LRRK1: variants seen among roughly 807,000 people sequenced by gnomAD.
The protein encoded by LRRK1 is leucine rich repeat kinase 1.
LRRK1 carries 113 observed loss-of-function variants against 209.1 expected under a neutral mutation model. That is an observed-to-expected ratio of 0.54 (90% CI 0.46 to 0.63). LRRK1 has a LOEUF of 0.63. Among genes scored for constraint, LRRK1 ranks in the 30% least tolerant of loss-of-function variants. The pLI, the probability that LRRK1 is intolerant of heterozygous loss-of-function variation, is 0.00. For missense variants in LRRK1, 2,284 were observed against 2,632.2 expected (o/e 0.87, Z 2.89); for synonymous variants, 1,144 against 1,099.7 (o/e 1.04, Z -0.80).
At position 101,046,809 on chromosome 15, in the gene LRRK1, G is replaced by A. The variant is rs77246989; in HGVS notation, c.3135+657G>A. ...TAACACGGGAGACCCCCCGCCCAAG[G>A]AGTTAGCTTCTGTGGGTTTACCTGG... On this transcript the variant is annotated intron_variant, in intron 21 of 33. Transcript: ENST00000388948. Among the ~76,000 whole-genome samples the A allele has an allele frequency of 4.7e-3, 718 of 152,332 alleles. 5 individuals are homozygous for A. The highest frequency in any genetic ancestry group is 0.017 in the African/African-American group (689 of 41,566).
At chr15:100,983,224 T>G (rs1320299368) in intron 3 of LRRK1, among the ~76,000 whole-genome samples, 2 of 152,222 alleles carry the variant, frequency 1.3e-5, no homozygotes, top group Non-Finnish European at 2.9e-5. Context: ...AATAAAATGT[T>G]AATATTATTT....
Position 101,027,853 on chromosome 15 carries a change from C to A in LRRK1, c.2686+56C>A. ...CCCGTGAGAAATGGAACTGTCTGTA[C>A]TTGCTAACTTCAGCTTGGCCTCAGT... On this transcript the variant is annotated intron_variant, in intron 19 of 33. Coordinates refer to ENST00000388948, the MANE Select transcript of LRRK1 (RefSeq NM_024652.6). This position sits in a 1 kb window ranked among gnomAD's most constrained non-coding sequence, Gnocchi z 5.1. The A allele has an allele frequency of 1.4e-6, 2 of 1,466,736 alleles. No individual in the cohort carries two copies. Among genetic ancestry groups the A allele is most frequent in the Non-Finnish European group, 1.8e-6 (2 of 1,089,852 alleles). The allele number at this position is 1,466,736 out of a possible 1,614,324, so 90.9% of individuals were successfully genotyped here.
chr15:101,001,229 T>C (rs2032668912), intron 6 of LRRK1, among the ~76,000 whole-genome samples: 1 of 152,132 alleles, frequency 6.6e-6, no homozygotes, highest in Non-Finnish European at 1.5e-5. Context: ...CCCCGTCTGA[T>C]GGTCTGAGTT....
intron 12 of LRRK1, among the ~76,000 whole-genome samples, chr15:101,016,847 A>C (rs1274823713): frequency 2.6e-5 from 4 of 152,236 alleles, no homozygotes; most frequent in Non-Finnish European, 5.9e-5. Flanking sequence ...AGGTGAGGCC[A>C]AGGTTGCACA....
At position 101,065,880 on chromosome 15, in the gene LRRK1, G is replaced by T. The variant is rs2036502391; in HGVS notation, c.5443G>T (p.Asp1815Tyr). The change falls in exon 32 of 34, where the codon GAC becomes TAC. Residue 1815 changes from aspartate to tyrosine, a missense_variant. Asp to Tyr is a radical substitution (Grantham distance 160). Transcript: ENST00000388948. ...PKVPEGDSIA[D>Y]VSIMYSEELG... The stretch of plus-strand genomic sequence containing the variant: ...GGTGCCTGAGGGGGACTCCATCGCG[G>T]ACGTGAGCATCATGTACAGTGAGGA... The T allele has an allele frequency of 2.5e-6, 4 of 1,614,168 alleles. No individual in the cohort carries two copies. Among genetic ancestry groups the T allele is most frequent in the Non-Finnish European group, 3.4e-6 (4 of 1,180,034 alleles).
intron 3 of LRRK1, among the ~76,000 whole-genome samples, chr15:100,983,025 A>C (rs1246544065): frequency 2.6e-5 from 4 of 152,146 alleles, no homozygotes; most frequent in African/African-American, 9.7e-5. Flanking sequence ...AAATAAACAA[A>C]ATTAGCCGGT....
chr15:100,965,358 A>G (rs1002307203), intron 2 of LRRK1, among the ~76,000 whole-genome samples: 2 of 152,220 alleles, frequency 1.3e-5, no homozygotes, highest in African/African-American at 4.8e-5. Context: ...ATTGAAAGCA[A>G]TTATCAAGAA....
At chr15:101,021,328 G>A (rs756254409) in intron 13 of LRRK1, 146 bp downstream of exon 13, 154 of 817,856 alleles carry the variant, frequency 1.9e-4, no homozygotes, top group Non-Finnish European at 2.9e-4. Context: ...TCGGAACAGG[G>A]CTTGATCAAG....
At position 100,924,600 on chromosome 15, in the gene LRRK1, C is replaced by A; in HGVS notation, c.-33C>A. On this transcript the variant is annotated 5_prime_UTR_variant, in exon 2 of 34. Transcript: ENST00000388948. ...GGCAGTGGCAGTGACAACAGCGGGA[C>A]CTGCCTTTGAAGATCGGCTGCTGCA... 2 of 1,601,286 alleles carry A rather than the reference C, an allele frequency of 1.2e-6. No homozygotes were observed. Among genetic ancestry groups the A allele is most frequent in the African/African-American group, 1.3e-5 (1 of 74,760 alleles).
At chr15:101,044,366 G>T (rs971147302) in intron 20 of LRRK1, among the ~76,000 whole-genome samples, 1 of 152,226 alleles carries the variant, frequency 6.6e-6, no homozygotes, top group African/African-American at 2.4e-5. Flanking sequence ...CAGCACCTCC[G>T]TGCAGACACT....
At chr15:101,012,495 C>T (rs965251033) in intron 10 of LRRK1, among the ~76,000 whole-genome samples, 6 of 152,202 alleles carry the variant, frequency 3.9e-5, no homozygotes, top group Admixed American at 6.5e-5. Context: ...GGTACCTTCT[C>T]GCTTTAGGTT....
intron 2 of LRRK1, among the ~76,000 whole-genome samples, chr15:100,953,508 CTATA>C (rs60971994): frequency 0.24 from 34,966 of 146,204 alleles, 4,289 homozygotes; most frequent in African/African-American, 0.32. Context: ...ATGTGTGTGT[CTATA>C]TATATATATA....
chr15:100,973,397 G>A (rs1005329091), intron 2 of LRRK1, among the ~76,000 whole-genome samples: 13 of 152,204 alleles, frequency 8.5e-5, no homozygotes, highest in Non-Finnish European at 1.6e-4. Flanking sequence ...CACACCCCCG[G>A]GAGGTGGCCT....
rs117997548 is a variant in LRRK1, at chr15:100,957,263, T to G, written c.98-16541T>G. ...ACGTGTGCTTGAGAAAAAATTATAT[T>G]CTCTCGCTGTTGAAGGCATTGTTCT... On this transcript the variant is annotated intron_variant, in intron 2 of 33. Coordinates refer to ENST00000388948, the MANE Select transcript of LRRK1 (RefSeq NM_024652.6). 2.8e-4 allele frequency among the ~76,000 whole-genome samples: 42 copies of G among 152,330 alleles called. 2 individuals carry two copies. The East Asian group carries it at 7.9e-3, about 29-fold the overall frequency.
intron 6 of LRRK1, among the ~76,000 whole-genome samples, chr15:101,007,000 G>A (rs368887748): frequency 9.2e-5 from 14 of 152,328 alleles, no homozygotes; most frequent in Admixed American, 3.3e-4. Flanking sequence ...TTTCATCCAT[G>A]TGAACAGAGA....
chr15:100,981,643 A>T (rs1169484067), intron 3 of LRRK1, among the ~76,000 whole-genome samples: 1 of 152,160 alleles, frequency 6.6e-6, no homozygotes, highest in Non-Finnish European at 1.5e-5. Flanking sequence ...TCAAACTCTG[A>T]GTAGTTCTGC....
intron 25 of LRRK1, 49 bp downstream of exon 25, chr15:101,053,137 G>A (rs566288624): frequency 1.5e-5 from 24 of 1,588,956 alleles, no homozygotes; most frequent in East Asian, 1.4e-4. Context: ...TATGCTGCCC[G>A]GGTCTAAGCT....
chr15:101,020,759 T>A (rs74040234), intron 12 of LRRK1, among the ~76,000 whole-genome samples: 2,466 of 152,318 alleles, frequency 0.016, 64 homozygotes, highest in African/African-American at 0.056. Flanking sequence ...TTGTAATAGC[T>A]GCAATTATTC....
chr15:100,981,789 C>A (rs980909258), intron 3 of LRRK1, among the ~76,000 whole-genome samples: 13 of 152,224 alleles, frequency 8.5e-5, no homozygotes, highest in Admixed American at 5.9e-4. Context: ...CAGCATCTGG[C>A]ACCTGGTGAG....
Sources: gnomAD v4.1 joint callset for allele counts (sites outside exome capture counted in the v4.1 genomes callset) on GRCh38, gnomAD v4.1.1 for gene constraint, Gnocchi (gnomAD v3.1) non-coding constraint, MANE v1.5 for transcripts, NCBI Gene and HGNC (gene_info 2026-07-23, HGNC 2026-07-21) for gene names.